DLG2: variants seen among roughly 807,000 people sequenced by gnomAD.
The protein encoded by DLG2 is disks large homolog 2.
Under a neutral mutation model 132.5 loss-of-function variants are expected in DLG2, and 45 were observed. The observed-to-expected ratio is 0.34, with a 90% CI of 0.27 to 0.44. The LOEUF (loss-of-function observed/expected upper bound fraction) is 0.44, where lower values mean the gene tolerates loss of function less well. Among genes scored for constraint, DLG2 ranks in the 20% least tolerant of loss-of-function variants. DLG2 has a pLI of 1.00. For missense variants in DLG2, 1,045 were observed against 1,196.9 expected, an observed-to-expected ratio of 0.87 and a Z score of 1.87; for synonymous variants, 424 against 419.6, an observed-to-expected ratio of 1.01 and a Z score of -0.13.
chr11:85,304,396 G>A (rs1810867424), intron 3 of DLG2, among the ~76,000 whole-genome samples: 1 of 151,996 alleles, frequency 6.6e-6, no homozygotes, highest in African/African-American at 2.4e-5. Context: ...GGGCAAGAAA[G>A]GTAAATCCTA....
chr11:84,609,100 G>A (rs1380071204), intron 6 of DLG2, among the ~76,000 whole-genome samples: 1 of 152,110 alleles, frequency 6.6e-6, no homozygotes, highest in African/African-American at 2.4e-5. Flanking sequence ...CTACCATTTG[G>A]TTTCTGGCAC....
At position 83,648,107 on chromosome 11, in the gene DLG2, GA is replaced by G. The variant is rs1285271950; in HGVS notation, c.1826-14783del. ...CCATTTACAGCAAGTGCTGGGGATAGAAATTAAGGTTTAAACATATAATTCC... is the reference window on the plus strand; with the variant it reads ...CCATTTACAGCAAGTGCTGGGGATAGAATTAAGGTTTAAACATATAATTCC... On this transcript the variant is annotated intron_variant, in intron 18 of 27. Transcript: ENST00000376104. 8 of 152,280 alleles carry G rather than the reference GA, an allele frequency of 5.3e-5. No homozygotes were observed. In the East Asian group the frequency reaches 1.5e-3, roughly 29 times the overall value. 9.4% of individuals were successfully genotyped at this position (152,280 alleles called of 1,614,324 possible). A position where few individuals can be genotyped will look rare whatever the true frequency, so the allele number is the denominator to read the frequency against.
chr11:84,880,504 C>A (rs2087136219), intron 6 of DLG2, among the ~76,000 whole-genome samples: 1 of 152,150 alleles, frequency 6.6e-6, no homozygotes, highest in Non-Finnish European at 1.5e-5. Flanking sequence ...ATATTTTTCA[C>A]ACTTCCAATT....
At chr11:85,135,681 G>A (rs1052167985) in intron 5 of DLG2, among the ~76,000 whole-genome samples, 2 of 152,122 alleles carry the variant, frequency 1.3e-5, no homozygotes, top group African/African-American at 2.4e-5. Context: ...CTCATTATGT[G>A]ATTATTTGAT....
intron 21 of DLG2, among the ~76,000 whole-genome samples, chr11:83,488,085 A>G (rs1217820541): frequency 6.6e-6 from 1 of 152,036 alleles, no homozygotes; most frequent in African/African-American, 2.4e-5. Context: ...TTATATCTCA[A>G]TAAAGCCATT....
chr11:84,722,969 T>A (rs992522990), intron 6 of DLG2, among the ~76,000 whole-genome samples: 1 of 152,190 alleles, frequency 6.6e-6, no homozygotes, highest in African/African-American at 2.4e-5. Context: ...TCTGAGGCCT[T>A]CTGTGAAAAT....
At chr11:84,628,976 T>C (rs1250957589) in intron 6 of DLG2, among the ~76,000 whole-genome samples, 4 of 152,318 alleles carry the variant, frequency 2.6e-5, no homozygotes, top group Middle Eastern at 3.4e-3. Flanking sequence ...GCAGGTTTTG[T>C]CAGTTCATTT....
At chr11:85,224,174 C>T (rs1347591975) in intron 4 of DLG2, among the ~76,000 whole-genome samples, 1 of 152,092 alleles carries the variant, frequency 6.6e-6, no homozygotes, top group Non-Finnish European at 1.5e-5. Flanking sequence ...TATTATGCTG[C>T]TAAAAACCTC....
intron 6 of DLG2, among the ~76,000 whole-genome samples, chr11:84,899,200 G>C (rs780381761): frequency 6.6e-6 from 1 of 152,014 alleles, no homozygotes; most frequent in African/African-American, 2.4e-5. Flanking sequence ...ATGTGTGATG[G>C]TTCTTCAGAT....
At chr11:85,351,805 GTTTGCCAGTA>G (rs1343799256) in intron 3 of DLG2, among the ~76,000 whole-genome samples, 1 of 152,176 alleles carries the variant, frequency 6.6e-6, no homozygotes, top group Non-Finnish European at 1.5e-5. Context: ...GCTGGATTCA[GTTTGCCAGTA>G]TTTTACAGAG....
chr11:84,764,631 G>A (rs2068134679), intron 6 of DLG2, among the ~76,000 whole-genome samples: 1 of 151,924 alleles, frequency 6.6e-6, no homozygotes, highest in East Asian at 1.9e-4. Flanking sequence ...ATTTTAATCA[G>A]GTAAAGAAAG....
At chr11:84,967,692 A>G (rs1430431604) in intron 6 of DLG2, among the ~76,000 whole-genome samples, 3 of 152,138 alleles carry the variant, frequency 2.0e-5, no homozygotes, top group African/African-American at 7.2e-5. Flanking sequence ...TAAAAAACTG[A>G]GGAGTCAGAT....
At chr11:84,393,124 C>G (rs1403075586) in intron 7 of DLG2, among the ~76,000 whole-genome samples, 1 of 152,048 alleles carries the variant, frequency 6.6e-6, no homozygotes, top group African/African-American at 2.4e-5. Flanking sequence ...GACGGGATCG[C>G]CTTTGAATCA....
chr11:85,351,726 T>A (rs1375108882), intron 3 of DLG2, among the ~76,000 whole-genome samples: 1 of 152,238 alleles, frequency 6.6e-6, no homozygotes, highest in Non-Finnish European at 1.5e-5. Context: ...GATTTGTGCA[T>A]GTTGAACCAG....
At chr11:84,430,322 C>T (rs1326548554) in intron 7 of DLG2, among the ~76,000 whole-genome samples, 1 of 151,424 alleles carries the variant, frequency 6.6e-6, no homozygotes, top group African/African-American at 2.4e-5. Flanking sequence ...GCCTGTAATC[C>T]CAGCTACTCA....
intron 18 of DLG2, chr11:83,786,462 G>A: frequency 2.1e-6 from 1 of 484,982 alleles, no homozygotes; most frequent in Non-Finnish European, 3.7e-6. Flanking sequence ...CTATTTATTT[G>A]AATTCATATT....
At chr11:83,763,208 T>C (rs767853983) in intron 18 of DLG2, among the ~76,000 whole-genome samples, 1 of 152,210 alleles carries the variant, frequency 6.6e-6, no homozygotes, top group Non-Finnish European at 1.5e-5. Context: ...TAGGCGTATA[T>C]GTGCAGGCTT....
intron 14 of DLG2, among the ~76,000 whole-genome samples, chr11:83,939,748 C>A (rs1380480690): frequency 1.3e-5 from 2 of 152,114 alleles, no homozygotes; most frequent in African/African-American, 4.8e-5. Flanking sequence ...ATCACATTTT[C>A]TAAAGTAGAA....
chr11:84,899,063 A>C (rs1459359081), intron 6 of DLG2, among the ~76,000 whole-genome samples: 1 of 152,074 alleles, frequency 6.6e-6, no homozygotes, highest in Non-Finnish European at 1.5e-5. Flanking sequence ...AGTGACTTAA[A>C]ATAGGCTTCA....
Sources: allele counts gnomAD v4.1 joint callset (sites outside exome capture counted in the v4.1 genomes callset), GRCh38; gene constraint gnomAD v4.1.1; transcripts MANE v1.5; gene names NCBI Gene and HGNC (gene_info 2026-07-23, HGNC 2026-07-21).